The following NAV2 variants were observed in gnomAD, a reference collection of about 807,000 sequenced individuals.
The protein encoded by NAV2 is neuron navigator 2.
NAV2 carries 54 observed loss-of-function variants against 223.2 expected under a neutral mutation model. The observed-to-expected ratio is 0.24, with a 90% confidence interval of 0.19 to 0.30. NAV2 has a LOEUF of 0.30. Among genes scored for constraint, NAV2 ranks in the 10% least tolerant of loss-of-function variants. NAV2 has a pLI of 1.00. For synonymous variants in NAV2, 1,279 were observed against 1,239.3 expected, an observed-to-expected ratio of 1.03 and a Z score of -0.67; for missense variants, 2,806 against 3,147.5, an observed-to-expected ratio of 0.89 and a Z score of 2.60.
In NAV2 at chr11:19,732,376, T is replaced by C. The variant is rs187997025; in HGVS notation, c.267+18414T>C. 4.3e-3 allele frequency among the ~76,000 whole-genome samples: 654 copies of C among 152,264 alleles called. 3 individuals are homozygous for C. The highest frequency in any genetic ancestry group is 6.8e-3 in the Middle Eastern group (2 of 294). On this transcript the variant is annotated intron_variant, in intron 1 of 37. Transcript: ENST00000349880. The stretch of plus-strand genomic sequence containing the variant: ...CTCTTTGTGCCTTAGTTTTCTCCCC[T>C]GTAAAATGGAGCCTCACAGGCATGG...
At chr11:19,594,423 G>A (rs553102693) in intron 1 of NAV2, among the ~76,000 whole-genome samples, 5 of 151,444 alleles carry the variant, frequency 3.3e-5, no homozygotes, top group African/African-American at 9.7e-5. Context: ...TTTCTACTTC[G>A]GGGACTTTTT....
chr11:19,369,296 C>T (rs767752082), intron 1 of NAV2, among the ~76,000 whole-genome samples: 3 of 152,146 alleles, frequency 2.0e-5, no homozygotes, highest in Admixed American at 2.0e-4. Context: ...CACATTGGAA[C>T]GACCCATTGC....
At chr11:19,707,240 A>G (rs1309553288) in intron 1 of NAV2, among the ~76,000 whole-genome samples, 2 of 152,214 alleles carry the variant, frequency 1.3e-5, no homozygotes, top group African/African-American at 4.8e-5. Context: ...TTCAATAATA[A>G]GTTAACCTTA....
At chr11:19,602,326 C>T (rs767271439) in intron 1 of NAV2, among the ~76,000 whole-genome samples, 34 of 151,998 alleles carry the variant, frequency 2.2e-4, no homozygotes, top group Non-Finnish European at 3.8e-4. Flanking sequence ...TGCAGGTGCA[C>T]ACCACCATGC....
rs2050817525 is a variant in NAV2 at position 19,722,396 on chromosome 11, A to G, written c.267+8434A>G. Among the ~76,000 whole-genome samples, 3 of 152,218 alleles carry G rather than the reference A, an allele frequency of 2.0e-5. No individual in the cohort carries two copies. The South Asian group carries it at 6.2e-4, about 32-fold the overall frequency. On this transcript the variant is annotated intron_variant, in intron 1 of 37. Coordinates refer to ENST00000349880, the MANE Select transcript of NAV2 (RefSeq NM_145117.5). ...GAAGGTAAGGAGTATGATTGGAAGCAAGCTTTTCTCTTTTGCCTGACTGAA... is the reference window on the plus strand; with the variant it reads ...GAAGGTAAGGAGTATGATTGGAAGCGAGCTTTTCTCTTTTGCCTGACTGAA...
intron 1 of NAV2, among the ~76,000 whole-genome samples, chr11:19,405,990 T>C (rs913859240): frequency 6.6e-6 from 1 of 152,142 alleles, no homozygotes; most frequent in South Asian, 2.1e-4. Context: ...AGCAGAAGCA[T>C]GGCATTGGTC....
At chr11:19,474,591 G>T (rs1390474719) in intron 1 of NAV2, among the ~76,000 whole-genome samples, 1 of 152,232 alleles carries the variant, frequency 6.6e-6, no homozygotes, top group East Asian at 1.9e-4. Flanking sequence ...TAGCAATGGA[G>T]TGAAGGAGTG....
At chr11:19,411,423 C>G (rs1850140115) in intron 1 of NAV2, among the ~76,000 whole-genome samples, 1 of 152,192 alleles carries the variant, frequency 6.6e-6, no homozygotes, top group Non-Finnish European at 1.5e-5. Flanking sequence ...TTACAAGACC[C>G]TGGAGACACA....
chr11:19,686,652 G>A (rs557107824), intron 1 of NAV2, among the ~76,000 whole-genome samples: 3 of 152,214 alleles, frequency 2.0e-5, no homozygotes, highest in Non-Finnish European at 4.4e-5. Flanking sequence ...CTGCCCAGGT[G>A]GGGAGGACCC....
chr11:19,512,995 C>T lies in NAV2; in HGVS notation c.75+161968C>T, dbSNP rs76455931. Among the ~76,000 whole-genome samples the T allele has an allele frequency of 6.6e-4, 101 of 151,958 alleles. 1 individual carries two copies. In the East Asian group the frequency reaches 0.013, roughly 19 times the overall value. ...AATATGTAGGGGAGCCCAAGAAGGA[C>T]GATACGTAACTCTACCTGCACAGAG... On this transcript the variant is annotated intron_variant, in intron 1 of 37. Coordinates refer to the NAV2 transcript ENST00000360655.
In NAV2 at chr11:20,077,545, C is replaced by T. The variant is rs1405628581; in HGVS notation, c.4984-7C>T. ...TAATATAACTGAGGTTGTGTCTTCC[C>T]CTCCAGGCTCACCTTGTGGCAGCCT... On this transcript the variant is annotated splice_polypyrimidine_tract_variant and splice_region_variant and intron_variant, in intron 22 of 37. Coordinates refer to ENST00000349880, the MANE Select transcript of NAV2 (RefSeq NM_145117.5). 6 of 1,610,466 alleles carry T rather than the reference C, an allele frequency of 3.7e-6. No individual in the cohort carries two copies. The highest frequency in any genetic ancestry group is 5.1e-6 in the Non-Finnish European group (6 of 1,176,842).
chr11:19,392,263 G>C (rs1422843504), intron 1 of NAV2, among the ~76,000 whole-genome samples: 2 of 152,132 alleles, frequency 1.3e-5, no homozygotes, highest in Admixed American at 6.5e-5. Flanking sequence ...AAAATGGATA[G>C]AACAACAGTT....
At chr11:19,471,054 C>G (rs1026712259) in intron 1 of NAV2, among the ~76,000 whole-genome samples, 2 of 152,130 alleles carry the variant, frequency 1.3e-5, no homozygotes, top group African/African-American at 4.8e-5. Context: ...AATGAAGGAC[C>G]ATTTGGTGTC....
intron 7 of NAV2, among the ~76,000 whole-genome samples, 156 bp downstream of exon 7, chr11:19,934,433 C>T (rs745836602): frequency 6.6e-6 from 1 of 152,136 alleles, no homozygotes; most frequent in Non-Finnish European, 1.5e-5. Flanking sequence ...GAGAAGCAGA[C>T]ACAATGTGCT....
intron 1 of NAV2, among the ~76,000 whole-genome samples, chr11:19,776,747 C>G (rs1199092977): frequency 1.3e-5 from 2 of 151,002 alleles, no homozygotes; most frequent in African/African-American, 2.4e-5. Flanking sequence ...GGGGAGGCGG[C>G]TCTGTCAACT....
At chr11:19,778,534 CAA>C (rs1308478569) in intron 1 of NAV2, among the ~76,000 whole-genome samples, 109 of 151,818 alleles carry the variant, frequency 7.2e-4, no homozygotes, top group African/African-American at 2.5e-3. Flanking sequence ...ACAAAAAAAA[CAA>C]AAAGAAAGAA....
At chr11:19,999,150 A>G (rs1418037873) in intron 11 of NAV2, among the ~76,000 whole-genome samples, 1 of 152,266 alleles carries the variant, frequency 6.6e-6, no homozygotes, top group Non-Finnish European at 1.5e-5. Flanking sequence ...GCTGTGACCC[A>G]TTAGAAAGGG....
intron 6 of NAV2, chr11:19,931,617 A>C (rs1222639811): frequency 2.0e-5 from 3 of 151,992 alleles, no homozygotes; most frequent in Admixed American, 1.3e-4. Context: ...AAAGCAGAAG[A>C]AGCAGCCGTT....
At chr11:19,882,381 A>T (rs564461425) in intron 5 of NAV2, among the ~76,000 whole-genome samples, 1 of 152,378 alleles carries the variant, frequency 6.6e-6, no homozygotes, top group Non-Finnish European at 1.5e-5. Flanking sequence ...TGGTTTGAAC[A>T]GTTAAGTAAG....
Sources: gnomAD v4.1 joint callset for allele counts (sites outside exome capture counted in the v4.1 genomes callset) on GRCh38, gnomAD v4.1.1 for gene constraint, MANE v1.5 for transcripts, NCBI Gene and HGNC (gene_info 2026-07-23, HGNC 2026-07-21) for gene names.